Variants in SIDT1 observed in about 807,000 individuals in gnomAD.
SIDT1 encodes SID1 transmembrane family, member 1.
In SIDT1, 101 loss-of-function variants were observed where a neutral mutation model predicts 107.5. The observed-to-expected ratio is 0.94, with a 90% CI of 0.80 to 1.11. SIDT1 has a LOEUF of 1.11. Ranked by LOEUF, SIDT1 falls within the 50% of genes least tolerant of loss-of-function variation. The pLI is 0.00. For synonymous variants in SIDT1, 395 were observed against 398.2 expected, an observed-to-expected ratio of 0.99 and a Z score of 0.10; for missense variants, 1,076 against 1,058.2, an observed-to-expected ratio of 1.02 and a Z score of -0.23.
chr3:113,567,431 G>T, intron 2 of SIDT1, 109 bp from the exon 3 acceptor site: 1 of 875,932 alleles, frequency 1.1e-6, no homozygotes, highest in Non-Finnish European at 1.8e-6. Flanking sequence ...ATAAGGACCT[G>T]AAAATGAATT....
In SIDT1 at chr3:113,627,730, G is replaced by T. The variant is rs1946950118; in HGVS notation, c.*22G>T. On this transcript the variant is annotated 3_prime_UTR_variant, in exon 25 of 25. Coordinates refer to ENST00000264852, the MANE Select transcript of SIDT1 (RefSeq NM_017699.3). ...CTGAACCTCCAACATTAAGAGAGGG[G>T]AGGGAGCGATCAATCTTGGTGCTGT... 6.2e-7 allele frequency: 1 copy of T among 1,610,840 alleles called. No homozygotes were observed. The highest frequency in any genetic ancestry group is 2.2e-5 in the East Asian group (1 of 44,874).
At chr3:113,610,901 A>G in intron 17 of SIDT1, 107 bp from the exon 18 acceptor site, 1 of 1,351,898 alleles carries the variant, frequency 7.4e-7, no homozygotes, top group South Asian at 1.3e-5. Flanking sequence ...AAAATAGTCC[A>G]TGGATTGAAG....
At chr3:113,590,094 T>C (rs886505649) in intron 9 of SIDT1, 1 of 152,280 alleles carries the variant, frequency 6.6e-6, no homozygotes, top group Admixed American at 6.5e-5. Flanking sequence ...CTGCTTTAGA[T>C]TAGATTTGAT....
Position 113,601,611 on chromosome 3 carries a change from C to T in SIDT1, c.1069C>T (p.His357Tyr), listed in dbSNP as rs1944965362. The T allele has an allele frequency of 6.2e-7, 1 of 1,613,858 alleles. No homozygotes were observed. Among genetic ancestry groups the T allele is most frequent in the Non-Finnish European group, 8.5e-7 (1 of 1,179,762 alleles). ...AGGCTCTGGAAATATGGTGGCATCTCATCCCATTGCTGCCAGCACACCCGA... is the reference window on the plus strand; with the variant it reads ...AGGCTCTGGAAATATGGTGGCATCTTATCCCATTGCTGCCAGCACACCCGA... The part of the protein sequence containing the change: ...NDGSGNMVAS[H>Y]PIAASTPEGS... Residue 357 changes from histidine to tyrosine, a missense_variant, in exon 11 of 25, where the codon CAT (histidine) becomes TAT (tyrosine). Coordinates refer to ENST00000264852, the MANE Select transcript of SIDT1 (RefSeq NM_017699.3).
chr3:113,581,316 T>G, intron 5 of SIDT1, 45 bp from the exon 6 acceptor site: 27 of 1,481,368 alleles, frequency 1.8e-5, no homozygotes, highest in Non-Finnish European at 2.5e-5. Context: ...TGACATTGCA[T>G]GACATTATGG....
At chr3:113,585,514 C>T (rs1943679891) in intron 9 of SIDT1, among the ~76,000 whole-genome samples, 1 of 152,112 alleles carries the variant, frequency 6.6e-6, no homozygotes, top group African/African-American at 2.4e-5. Context: ...ATCAATAACA[C>T]ACACATAATA....
chr3:113,616,819 G>A (rs1946143584), intron 20 of SIDT1, among the ~76,000 whole-genome samples: 1 of 151,702 alleles, frequency 6.6e-6, no homozygotes, highest in Non-Finnish European at 1.5e-5. Flanking sequence ...CTCCTGAGTA[G>A]CTGGGATTAC....
rs1945222085 is a variant in SIDT1 at position 113,604,995 on chromosome 3, C to A, written c.1404+19C>A. On this transcript the variant is annotated intron_variant, in intron 14 of 24. Transcript: ENST00000264852. Reference sequence around the variant, plus strand: ...TCAGACAGTAAGTGCTGCCCCAGCCCCAGCCCCAGAGTCCCAGCTTTCTTT... The same window carrying A: ...TCAGACAGTAAGTGCTGCCCCAGCCACAGCCCCAGAGTCCCAGCTTTCTTT... 6.2e-7 allele frequency: 1 copy of A among 1,613,562 alleles called. No homozygotes were observed. The highest frequency in any genetic ancestry group is 8.5e-7 in the Non-Finnish European group (1 of 1,179,990).
chr3:113,602,817 G>A, intron 11 of SIDT1, 188 bp from the exon 12 acceptor site: 2 of 501,872 alleles, frequency 4.0e-6, no homozygotes, highest in East Asian at 3.4e-5. Flanking sequence ...TATAAAAACA[G>A]GAGAAGAGGA....
chr3:113,604,599 T>C (rs899430298), intron 13 of SIDT1, among the ~76,000 whole-genome samples: 15 of 152,220 alleles, frequency 9.9e-5, no homozygotes, highest in Admixed American at 4.6e-4. Context: ...GTACCAATCA[T>C]TAACCTTTTA....
intron 1 of SIDT1, among the ~76,000 whole-genome samples, chr3:113,563,490 C>G (rs1941623250): frequency 6.6e-6 from 1 of 152,162 alleles, no homozygotes; most frequent in Non-Finnish European, 1.5e-5. Context: ...TCTAATGAAG[C>G]CTCTAGATCT....
intron 5 of SIDT1, 30 bp downstream of exon 5, chr3:113,580,739 C>G (rs776661919): frequency 3.8e-6 from 5 of 1,304,382 alleles, no homozygotes; most frequent in South Asian, 2.4e-5. Context: ...CAACCTTCTA[C>G]TATAGAGCAT....
At chr3:113,582,666 G>T (rs1295833321) in intron 6 of SIDT1, among the ~76,000 whole-genome samples, 1 of 152,038 alleles carries the variant, frequency 6.6e-6, no homozygotes, top group Non-Finnish European at 1.5e-5. Flanking sequence ...AACCTTTTGG[G>T]CAGAGGTTGC....
intron 10 of SIDT1, among the ~76,000 whole-genome samples, chr3:113,596,656 A>C (rs537025949): frequency 1.3e-5 from 2 of 152,284 alleles, no homozygotes; most frequent in South Asian, 4.2e-4. Context: ...CTGTGCTCTA[A>C]AACCATTTCC....
intron 3 of SIDT1, among the ~76,000 whole-genome samples, chr3:113,574,179 G>A (rs911269274): frequency 2.0e-5 from 3 of 152,184 alleles, no homozygotes; most frequent in Admixed American, 6.5e-5. Context: ...AGGAGAGTTG[G>A]ATATTTGTAG....
intron 9 of SIDT1, 95 bp from the exon 10 acceptor site, chr3:113,592,910 C>G (rs1168711423): frequency 1.0e-6 from 1 of 993,362 alleles, no homozygotes; most frequent in African/African-American, 1.6e-5. Context: ...TGAAGAGATC[C>G]TAGTAGACAA....
chr3:113,560,660 A>G (rs1193421132), intron 1 of SIDT1, among the ~76,000 whole-genome samples: 2 of 152,210 alleles, frequency 1.3e-5, no homozygotes, highest in Non-Finnish European at 2.9e-5. Flanking sequence ...GTTTTCCAAG[A>G]TCATACGGGA....
rs570915785 is a variant in SIDT1 at position 113,628,594 on chromosome 3, G to A, written c.*886G>A. ...TGGTAACAGCAGCAGCAGCCAGACAGGCCTCACCTTAAGGACTTGGGCTGC... is the reference window on the plus strand; with the variant it reads ...TGGTAACAGCAGCAGCAGCCAGACAAGCCTCACCTTAAGGACTTGGGCTGC... On this transcript the variant is annotated 3_prime_UTR_variant, in exon 25 of 25. Coordinates refer to ENST00000264852, the MANE Select transcript of SIDT1 (RefSeq NM_017699.3). 6.5e-6 allele frequency: 1 copy of A among 152,760 alleles called. No homozygotes were observed. Among genetic ancestry groups the A allele is most frequent in the South Asian group, 2.1e-4 (1 of 4,824 alleles). 9.5% of individuals were successfully genotyped at this position (152,760 alleles called of 1,614,324 possible). A position where few individuals can be genotyped will look rare whatever the true frequency, so the allele number is the denominator to read the frequency against.
At chr3:113,601,875 C>A (rs755259430) in intron 11 of SIDT1, 1 of 477,928 alleles carries the variant, frequency 2.1e-6, no homozygotes, top group Non-Finnish European at 3.7e-6. Flanking sequence ...GATCTGCTAG[C>A]CCCACTTGGG....
Sources: gnomAD v4.1 joint callset for allele counts (sites outside exome capture counted in the v4.1 genomes callset) on GRCh38, gnomAD v4.1.1 for gene constraint, MANE v1.5 for transcripts, NCBI Gene and HGNC (gene_info 2026-07-23, HGNC 2026-07-21) for gene names.